CCDC110: variants seen among roughly 807,000 people sequenced by gnomAD.
CCDC110 encodes the protein coiled-coil domain containing 110, also known as coiled-coil domain-containing protein 110.
Under a neutral mutation model 77.1 loss-of-function variants are expected in CCDC110, and 70 were observed. That is an observed-to-expected ratio of 0.91 (90% confidence interval 0.75 to 1.11). The LOEUF is 1.11. Ranked by LOEUF, CCDC110 falls within the 50% of genes least tolerant of loss-of-function variation. CCDC110 has a pLI of 0.00. For missense variants in CCDC110, 868 were observed against 942.9 expected, an observed-to-expected ratio of 0.92 and a Z score of 1.04; for synonymous variants, 295 against 312.5, an observed-to-expected ratio of 0.94 and a Z score of 0.59.
intron 2 of CCDC110, among the ~76,000 whole-genome samples, chr4:185,466,763 C>T (rs1226636789): frequency 6.6e-6 from 1 of 151,208 alleles, no homozygotes; most frequent in African/African-American, 2.4e-5. Flanking sequence ...TTTTTTAAAC[C>T]ACAGGACATT....
rs375795151 is a variant in CCDC110 at position 185,455,689 on chromosome 4, T to C, written c.2461+2437A>G. On this transcript the variant is annotated intron_variant, in intron 6 of 6. Transcript: ENST00000307588. ...ACCTGAGGTCAGGAGTTTGACTGAG[T>C]CTGGCCAACATGGTGAAACCCCGTC... Among the ~76,000 whole-genome samples, 5 of 151,964 alleles carry C rather than the reference T, an allele frequency of 3.3e-5. No individual in the cohort carries two copies. In the East Asian group the frequency reaches 5.8e-4, roughly 18 times the overall value.
chr4:185,460,500 A>G (rs905055746), intron 5 of CCDC110, among the ~76,000 whole-genome samples: 1 of 152,234 alleles, frequency 6.6e-6, no homozygotes, highest in Non-Finnish European at 1.5e-5. Context: ...AATTTCAGAA[A>G]TATAGAAATT....
rs1007261804 is a variant in CCDC110 at position 185,445,279 on chromosome 4, G to A, written c.*223C>T. On this transcript the variant is annotated 3_prime_UTR_variant, in exon 7 of 7. Coordinates refer to ENST00000307588, the MANE Select transcript of CCDC110 (RefSeq NM_152775.4). ...ACATCTCAGCTCCTTCCATGTACAG[G>A]TACCTGCCCTCCCTTGTAGAAGTTC... 4 of 749,046 alleles carry A rather than the reference G, an allele frequency of 5.3e-6. No homozygotes were observed. In the African/African-American group the frequency reaches 7.1e-5, roughly 13 times the overall value. The allele number at this position is 749,046 out of a possible 1,614,324, so 46.4% of individuals were successfully genotyped here. A position where few individuals can be genotyped will look rare whatever the true frequency, so the allele number is the denominator to read the frequency against.
rs1342513237 is a variant in CCDC110, at chr4:185,459,148, A to G, written c.1439T>C (p.Leu480Pro). 2 of 1,598,562 alleles carry G rather than the reference A, an allele frequency of 1.3e-6. No homozygotes were observed. The highest frequency in any genetic ancestry group is 1.7e-6 in the Non-Finnish European group (2 of 1,172,350). Residue 480 changes from leucine to proline, a missense_variant, in exon 6 of 7, where the codon CTT (leucine) becomes CCT (proline). Transcript: ENST00000307588. The part of the protein sequence containing the change: ...IQKVETYEKQ[L>P]KNLVEEKSTI... Reference sequence around the variant, plus strand: ...ACTCTTTTCTTCAACCAGATTCTTAAGTTGCTTTTCATATGTTTCAACTTT... The same window carrying G: ...ACTCTTTTCTTCAACCAGATTCTTAGGTTGCTTTTCATATGTTTCAACTTT...
At position 185,459,555 on chromosome 4, in the gene CCDC110, A is replaced by T; in HGVS notation, c.1032T>A (p.Ser344=). The stretch of plus-strand genomic sequence containing the variant: ...TCTTTCCCCTGTGCATTTCACTCTT[A>T]GATAACTTTTTACATTTTCTACAAA... ...VHFCRKCKKL[S]KSEMHRGKKN... is the part of the protein sequence containing the mutation. The change falls in exon 6 of 7, where the codon TCT becomes TCA. Residue 344 remains serine (S), a synonymous_variant. Coordinates refer to ENST00000307588, the MANE Select transcript of CCDC110 (RefSeq NM_152775.4). The T allele has an allele frequency of 3.7e-6, 6 of 1,613,158 alleles. No homozygotes were observed. Among genetic ancestry groups the T allele is most frequent in the Non-Finnish European group, 5.1e-6 (6 of 1,179,572 alleles).
intron 6 of CCDC110, among the ~76,000 whole-genome samples, chr4:185,448,435 T>A (rs1372093701): frequency 6.6e-6 from 1 of 152,186 alleles, no homozygotes; most frequent in Non-Finnish European, 1.5e-5. Flanking sequence ...TATCTACTCT[T>A]TGTAGCACTT....
chr4:185,459,273 A>G lies in CCDC110; in HGVS notation c.1314T>C (p.Ser438=), dbSNP rs780874507. ...IQYLQNYLKE[S]VQIQKKVMEL... is the part of the protein sequence containing the mutation. ...CCATTACTTTTTTCTGTATCTGCAC[A>G]GATTCTTTTAGGTAATTCTGTAAGT... Residue 438 remains serine, a synonymous_variant, in exon 6 of 7, where the codon TCT becomes TCC. Transcript: ENST00000307588. 8.1e-6 allele frequency: 13 copies of G among 1,613,264 alleles called. No homozygotes were observed. In the South Asian group the frequency reaches 1.4e-4, roughly 18 times the overall value.
intron 6 of CCDC110, among the ~76,000 whole-genome samples, chr4:185,447,423 A>G (rs578091451): frequency 5.4e-4 from 82 of 151,920 alleles, no homozygotes; most frequent in East Asian, 1.2e-3. Context: ...CTCGTGATCC[A>G]CCCACCTTGG....
At chr4:185,470,897 G>A in intron 2 of CCDC110, 48 bp downstream of exon 2, 1 of 1,351,112 alleles carries the variant, frequency 7.4e-7, no homozygotes, top group Non-Finnish European at 1.1e-6. Context: ...GCCAGATGCT[G>A]CCGCCTGTGT....
chr4:185,470,331 T>C (rs1398865038), intron 2 of CCDC110, among the ~76,000 whole-genome samples: 1 of 143,120 alleles, frequency 7.0e-6, no homozygotes, highest in East Asian at 2.0e-4. Flanking sequence ...TCTATGTGTA[T>C]CCTGCTGTAT....
chr4:185,467,622 A>G (rs1430088417), intron 2 of CCDC110, among the ~76,000 whole-genome samples: 1 of 152,250 alleles, frequency 6.6e-6, no homozygotes, highest in Non-Finnish European at 1.5e-5. Flanking sequence ...TATTTCTGTC[A>G]AAAGTGAAAA....
intron 6 of CCDC110, 168 bp downstream of exon 6, chr4:185,457,958 C>G: frequency 1.6e-6 from 1 of 614,660 alleles, no homozygotes; most frequent in Non-Finnish European, 2.5e-6. Flanking sequence ...TATATTTTAT[C>G]TAGAAAAAAT....
chr4:185,461,272 G>A, intron 4 of CCDC110, 113 bp from the exon 5 acceptor site: 1 of 552,098 alleles, frequency 1.8e-6, no homozygotes, highest in Non-Finnish European at 3.2e-6. Flanking sequence ...CCCATAAACA[G>A]TCTTTCCCAT....
At chr4:185,466,811 A>C (rs1004235677) in intron 2 of CCDC110, among the ~76,000 whole-genome samples, 5 of 152,148 alleles carry the variant, frequency 3.3e-5, no homozygotes, top group African/African-American at 7.2e-5. Flanking sequence ...ACATAGTAGA[A>C]AGGGAGAAAA....
At chr4:185,457,281 G>A (rs1183708780) in intron 6 of CCDC110, 1 of 456,312 alleles carries the variant, frequency 2.2e-6, no homozygotes, top group Non-Finnish European at 4.4e-6. Flanking sequence ...TTGGAAGCTA[G>A]AGATTGTGTT....
intron 6 of CCDC110, among the ~76,000 whole-genome samples, chr4:185,455,976 A>T (rs896452357): frequency 6.6e-6 from 1 of 152,164 alleles, no homozygotes; most frequent in African/African-American, 2.4e-5. Flanking sequence ...CTGTTCCTCT[A>T]TCAGTAACTG....
Position 185,459,013 on chromosome 4 carries a change from AGAGTTTTATTTTGGCCTT to A in CCDC110, c.1556_1573del (p.Gln519_Thr524del). 6.3e-7 allele frequency: 1 copy of A among 1,595,658 alleles called. No individual in the cohort carries two copies. Among genetic ancestry groups the A allele is most frequent in the South Asian group, 1.1e-5 (1 of 87,286 alleles). On this transcript the variant is annotated inframe_deletion, in exon 6 of 7. Transcript: ENST00000307588. The stretch of plus-strand genomic sequence containing the variant: ...AGAAAGTTGTATATTTTTTTCCTCT[AGAGTTTTATTTTGGCCTT>A]GCAGAACATTATATTTACTAATTAT...
At position 185,459,736 on chromosome 4, in the gene CCDC110, G is replaced by A. The variant is rs751844330; in HGVS notation, c.851C>T (p.Ser284Phe). Residue 284 changes from serine (S) to phenylalanine (F), a missense_variant, in exon 6 of 7, where the codon TCC becomes TTC. By Grantham distance (155) the Ser-to-Phe change is radical. Coordinates refer to ENST00000307588, the MANE Select transcript of CCDC110 (RefSeq NM_152775.4). ...DVHRNGKYDM[S>F]PIHQDKMNFI... The stretch of plus-strand genomic sequence containing the variant: ...GTTCATTTTATCCTGGTGAATAGGG[G>A]ACATGTCATATTTACCATTCCTGTG... The A allele has an allele frequency of 1.1e-5, 17 of 1,613,440 alleles. 1 individual carries two copies. In the South Asian group the frequency reaches 1.6e-4, roughly 16 times the overall value.
intron 6 of CCDC110, among the ~76,000 whole-genome samples, chr4:185,451,585 A>G (rs1344798424): frequency 1.3e-5 from 2 of 152,220 alleles, no homozygotes; most frequent in Non-Finnish European, 2.9e-5. Flanking sequence ...TATTGAATAC[A>G]TTTGTCTTCA....
Sources: allele counts gnomAD v4.1 joint callset (sites outside exome capture counted in the v4.1 genomes callset), GRCh38; gene constraint gnomAD v4.1.1; transcripts MANE v1.5; gene names NCBI Gene and HGNC (gene_info 2026-07-23, HGNC 2026-07-21).